Variants in CCDC157 observed in about 807,000 individuals in gnomAD.
CCDC157 encodes the protein coiled-coil domain-containing protein 157.
A neutral mutation model predicts 70.9 loss-of-function variants in CCDC157; 60 were observed. The ratio of observed to expected loss-of-function variants is 0.85; its 90% CI spans 0.69 to 1.05. CCDC157 has a LOEUF of 1.05. Among genes scored for constraint, CCDC157 ranks in the 50% least tolerant of loss-of-function variants. CCDC157 has a pLI of 0.00. For missense variants in CCDC157, 943 were observed against 984.2 expected (o/e 0.96, Z 0.56); for synonymous variants, 373 against 422.4 (o/e 0.88, Z 1.43).
chr22:30,376,222 G>A (rs775629136), intron 10 of CCDC157, 37 bp from the exon 11 acceptor site: 1 of 1,584,210 alleles, frequency 6.3e-7, no homozygotes, highest in Admixed American at 1.7e-5. Flanking sequence ...GGGACTCCTG[G>A]GCCCTTATAA....
chr22:30,371,216 G>C, intron 5 of CCDC157: 1 of 555,740 alleles, frequency 1.8e-6, no homozygotes. Flanking sequence ...GGGAACCGAG[G>C]TATGTATCCA....
In CCDC157 at chr22:30,362,409, A is replaced by T. The variant is rs150685163; in HGVS notation, c.-12+295A>T. On this transcript the variant is annotated intron_variant, in intron 2 of 11. Transcript: ENST00000338306. ...CCTGGGGAGCTTTCCTGAAGAGGGG[A>T]TGTTTGGCGGGGGGCCTGAGGGAGG... Among the ~76,000 whole-genome samples the T allele has an allele frequency of 5.6e-3, 852 of 152,074 alleles. 5 individuals are homozygous for T. Among genetic ancestry groups the T allele is most frequent in the African/African-American group, 0.019 (805 of 41,460 alleles).
chr22:30,372,273 T>A lies in CCDC157; in HGVS notation c.1322T>A (p.Val441Asp). 1 of 1,573,634 alleles carries A rather than the reference T, an allele frequency of 6.4e-7. No homozygotes were observed. Among genetic ancestry groups the A allele is most frequent in the Admixed American group, 1.8e-5 (1 of 55,820 alleles). ...DKEKARVDSM[V>D]RHQESLQAKQ... ...GAGAAGGCCCGTGTCGACAGCATGG[T>A]CCGCCACCAGGAGGTGAGGCCAGGG... The change falls in exon 7 of 12, where the codon GTC becomes GAC. Residue 441 changes from valine (V) to aspartate (D), a missense_variant. Transcript: ENST00000338306.
chr22:30,372,060 C>T lies in CCDC157; in HGVS notation c.1124-15C>T. ...CCCCTGCCCTACCCCATCCCATGTC[C>T]ACTTAATGCTGCAGAGGCAAAGGCC... is the stretch of plus-strand genomic sequence containing the variant. On this transcript the variant is annotated splice_polypyrimidine_tract_variant and intron_variant, in intron 6 of 11. Transcript: ENST00000338306. 1 of 1,504,430 alleles carries T rather than the reference C, an allele frequency of 6.6e-7. No homozygotes were observed. The allele number at this position is 1,504,430 out of a possible 1,614,324, so 93.2% of individuals were successfully genotyped here.
In CCDC157 at chr22:30,377,152, G is replaced by T; in HGVS notation, c.*407G>T. The T allele has an allele frequency of 4.6e-6, 1 of 217,882 alleles. No individual in the cohort carries two copies. The allele number at this position is 217,882 out of a possible 1,614,324, so 13.5% of individuals were successfully genotyped here. On this transcript the variant is annotated 3_prime_UTR_variant, in exon 12 of 12. Transcript: ENST00000338306. ...GTCAGGTGGGAGTGGACAGAGGAAG[G>T]GCCGGTGAGGATGTCTGAAGCAGGC...
In CCDC157 at chr22:30,378,077, T is replaced by C; in HGVS notation, c.*1332T>C. 2 of 470,920 alleles carry C rather than the reference T, an allele frequency of 4.2e-6. No individual in the cohort carries two copies. The highest frequency in any genetic ancestry group is 3.1e-5 in the South Asian group (2 of 64,562). The allele number at this position is 470,920 out of a possible 1,614,324, so 29.2% of individuals were successfully genotyped here. ...GGTCCCCATGTCCTCGCTGGCTGGC[T>C]GTAAGCCAGGTCCTCTCACGGCTCC... On this transcript the variant is annotated 3_prime_UTR_variant, in exon 12 of 12. Transcript: ENST00000338306.
At chr22:30,358,291 T>A (rs557060463) in intron 1 of CCDC157, among the ~76,000 whole-genome samples, 43 of 152,370 alleles carry the variant, frequency 2.8e-4, no homozygotes, top group Admixed American at 2.5e-3. Flanking sequence ...GGTCATTTAC[T>A]ATGAGCCGGA....
chr22:30,356,827 T>A, upstream of CCDC157: 1 of 1,317,844 alleles, frequency 7.6e-7, no homozygotes, highest in Middle Eastern at 2.4e-4. Flanking sequence ...TCCGCCTCGG[T>A]GTCGGTGAGC....
At chr22:30,371,578 G>A in intron 5 of CCDC157, 72 bp from the exon 6 acceptor site, 1 of 1,262,006 alleles carries the variant, frequency 7.9e-7, no homozygotes, top group Non-Finnish European at 1.2e-6. Context: ...ACTCCACGGG[G>A]CACACTGGGC....
chr22:30,371,848 A>C, intron 6 of CCDC157, 121 bp downstream of exon 6: 1 of 953,108 alleles, frequency 1.0e-6, no homozygotes, highest in Non-Finnish European at 1.6e-6. Flanking sequence ...CAGCCACAGG[A>C]GGGTGGGCCT....
In CCDC157 at chr22:30,359,536, G is replaced by A. The variant is rs118045328; in HGVS notation, c.-166+2404G>A. The stretch of plus-strand genomic sequence containing the variant: ...TGGAACAGATACTCAGTCCTCATTT[G>A]CTGAATGCACACACAGCATCCAACC... On this transcript the variant is annotated intron_variant, in intron 1 of 11. Transcript: ENST00000338306. Among the ~76,000 whole-genome samples, 322 of 152,274 alleles carry A rather than the reference G, an allele frequency of 2.1e-3. 5 individuals carry two copies. The highest frequency in any genetic ancestry group is 0.02 in the Middle Eastern group (6 of 294).
In CCDC157 at chr22:30,370,779, G is replaced by A. The variant is rs1932902025; in HGVS notation, c.874G>A (p.Ala292Thr). ...GACGCGCCTCAGTAAGCATGTGGAG[G>A]CCCTCAGGGCCCAGCTGGAGGAGGC... The part of the protein sequence containing the change: ...DLTRLSKHVE[A>T]LRAQLEEAEG... The change falls in exon 5 of 12, where the codon GCC (alanine) becomes ACC (threonine). Residue 292 changes from alanine (A) to threonine (T), a missense_variant. By Grantham distance (58) the Ala-to-Thr change is moderately conservative. Transcript: ENST00000338306. 1.2e-6 allele frequency: 2 copies of A among 1,613,476 alleles called. No individual in the cohort carries two copies. Among genetic ancestry groups the A allele is most frequent in the South Asian group, 2.2e-5 (2 of 91,078 alleles).
intron 1 of CCDC157, among the ~76,000 whole-genome samples, chr22:30,359,528 C>T (rs928889833): frequency 6.6e-6 from 1 of 152,202 alleles, no homozygotes; most frequent in Non-Finnish European, 1.5e-5. Flanking sequence ...GATACTCAGT[C>T]CTCATTTGCT....
At position 30,373,592 on chromosome 22, in the gene CCDC157, C is replaced by G; in HGVS notation, c.1336-5C>G. 1 of 1,553,392 alleles carries G rather than the reference C, an allele frequency of 6.4e-7. No homozygotes were observed. Among genetic ancestry groups the G allele is most frequent in the Non-Finnish European group, 8.7e-7 (1 of 1,147,990 alleles). On this transcript the variant is annotated splice_region_variant and splice_polypyrimidine_tract_variant and intron_variant, in intron 7 of 11. Transcript: ENST00000338306. ...CAGCCTCCCTGCTTGTCCGTTCCTG[C>G]TTAGTCTCTGCAGGCCAAGCAGCGA...
At position 30,366,175 on chromosome 22, in the gene CCDC157, T is replaced by C. The variant is rs568353300; in HGVS notation, c.175T>C (p.Tyr59His). 2 of 1,613,684 alleles carry C rather than the reference T, an allele frequency of 1.2e-6. No homozygotes were observed. The highest frequency in any genetic ancestry group is 2.2e-5 in the South Asian group (2 of 91,076). Residue 59 changes from tyrosine to histidine, a missense_variant, in exon 3 of 12, where the codon TAT becomes CAT. Physicochemically the swap from Tyr to His is moderately conservative, Grantham distance 83 (BLOSUM62 2). Transcript: ENST00000338306. ...DLDMVALLEH[Y>H]DHVPGDPEFT... Reference sequence around the variant, plus strand: ...CGACATGGTGGCCCTGCTGGAGCACTATGACCATGTTCCGGGTGACCCCGA... The same window carrying C: ...CGACATGGTGGCCCTGCTGGAGCACCATGACCATGTTCCGGGTGACCCCGA...
Position 30,377,087 on chromosome 22 carries a change from G to A in CCDC157, c.*342G>A, listed in dbSNP as rs1933412452. 2.8e-6 allele frequency: 1 copy of A among 353,924 alleles called. No individual in the cohort carries two copies. The allele number at this position is 353,924 out of a possible 1,614,324, so 21.9% of individuals were successfully genotyped here. ...CTATCCCCAGAGCAAGGGTCGAGGGGTGAACCTTGGCTCAGTGGCCCGCAC... is the reference window on the plus strand; with the variant it reads ...CTATCCCCAGAGCAAGGGTCGAGGGATGAACCTTGGCTCAGTGGCCCGCAC... On this transcript the variant is annotated 3_prime_UTR_variant, in exon 12 of 12. Coordinates refer to ENST00000338306, the MANE Select transcript of CCDC157 (RefSeq NM_001017437.5).
chr22:30,376,607 G>A lies in CCDC157; in HGVS notation c.2121G>A (p.Lys707=), dbSNP rs1415571816. ...PSRQPCSQPS[K]SLLEGVTHLD... The stretch of plus-strand genomic sequence containing the variant: ...GGCAGCCCTGCAGCCAGCCCAGCAA[G>A]TCCTTGCTGGAGGGTGTGACCCACT... The change falls in exon 12 of 12, where the codon AAG becomes AAA. Residue 707 remains lysine, a synonymous_variant. Transcript: ENST00000338306. 1.9e-6 allele frequency: 3 copies of A among 1,613,722 alleles called. No individual in the cohort carries two copies. The highest frequency in any genetic ancestry group is 2.2e-5 in the East Asian group (1 of 44,866).
chr22:30,357,921 C>T (rs1173024162), intron 1 of CCDC157, among the ~76,000 whole-genome samples: 1 of 152,156 alleles, frequency 6.6e-6, no homozygotes, highest in African/African-American at 2.4e-5. Flanking sequence ...GCCTTGGCCT[C>T]CCAAAGTGCT....
At chr22:30,357,993 C>T (rs958692616) in intron 1 of CCDC157, among the ~76,000 whole-genome samples, 3 of 152,166 alleles carry the variant, frequency 2.0e-5, no homozygotes, top group Non-Finnish European at 2.9e-5. Flanking sequence ...CTCACTCTCA[C>T]AGATGCAGCC....
Sources: gnomAD v4.1 joint callset for allele counts (sites outside exome capture counted in the v4.1 genomes callset) on GRCh38, gnomAD v4.1.1 for gene constraint, MANE v1.5 for transcripts, NCBI Gene and HGNC (gene_info 2026-07-23, HGNC 2026-07-21) for gene names.